The following SCAPER variants were observed in gnomAD, a reference collection of about 807,000 sequenced individuals.
SCAPER encodes S-phase cyclin A associated protein in the ER.
Under a neutral mutation model 182.2 loss-of-function variants are expected in SCAPER, and 98 were observed. The observed-to-expected ratio is 0.54, with a 90% CI of 0.46 to 0.64. The LOEUF is 0.64. Among genes scored for constraint, SCAPER ranks in the 30% least tolerant of loss-of-function variants. SCAPER has a pLI of 0.00. For missense variants in SCAPER, 1,432 were observed against 1,690.0 expected (o/e 0.85, Z 2.68); for synonymous variants, 605 against 564.6 (o/e 1.07, Z -1.01).
At chr15:76,433,281 G>C (rs559010082) in intron 26 of SCAPER, among the ~76,000 whole-genome samples, 1 of 152,186 alleles carries the variant, frequency 6.6e-6, no homozygotes, top group Non-Finnish European at 1.5e-5. Flanking sequence ...ATGGAGGCGG[G>C]TGGGTCATTT....
Position 76,614,929 on chromosome 15 carries a change from A to G in SCAPER, c.2711+6835T>C, listed in dbSNP as rs75135477. Among the ~76,000 whole-genome samples, 1,240 of 152,316 alleles carry G rather than the reference A, an allele frequency of 8.1e-3. 13 individuals are homozygous for G. Among genetic ancestry groups the G allele is most frequent in the African/African-American group, 0.028 (1,177 of 41,570 alleles). On this transcript the variant is annotated intron_variant, in intron 22 of 31. Coordinates refer to ENST00000563290, the MANE Select transcript of SCAPER (RefSeq NM_020843.4). Reference sequence around the variant, plus strand: ...ATTCAGAAATGAAAGTGGGCACATTACTACTGATCTTACTACTTATGAATA... The same window carrying G: ...ATTCAGAAATGAAAGTGGGCACATTGCTACTGATCTTACTACTTATGAATA...
At chr15:76,706,540 G>A (rs2059270898) in intron 17 of SCAPER, among the ~76,000 whole-genome samples, 2 of 152,132 alleles carry the variant, frequency 1.3e-5, no homozygotes, top group African/African-American at 4.8e-5. Context: ...AAAATCAGCA[G>A]ACTGGGAAGG....
chr15:76,560,325 T>G (rs1007289246), intron 23 of SCAPER, among the ~76,000 whole-genome samples: 1 of 152,226 alleles, frequency 6.6e-6, no homozygotes, highest in Admixed American at 6.5e-5. Context: ...ACACAGCTAC[T>G]ACATGATCTA....
chr15:76,579,458 A>G, intron 22 of SCAPER, among the ~76,000 whole-genome samples: 1 of 151,722 alleles, frequency 6.6e-6, no homozygotes, highest in Admixed American at 6.6e-5. Context: ...AGTTGTCATC[A>G]GTTTAAAATA....
At chr15:76,582,881 A>G (rs1341027702) in intron 22 of SCAPER, among the ~76,000 whole-genome samples, 1 of 152,236 alleles carries the variant, frequency 6.6e-6, no homozygotes, top group African/African-American at 2.4e-5. Context: ...TCTTCAATAA[A>G]TGGTGCCGAG....
intron 4 of SCAPER, among the ~76,000 whole-genome samples, chr15:76,846,761 A>G (rs1269897237): frequency 6.6e-6 from 1 of 152,214 alleles, no homozygotes; most frequent in Non-Finnish European, 1.5e-5. Context: ...GTGGGAATGT[A>G]AATTAGTATA....
At chr15:76,499,920 G>T (rs2040942503) in intron 24 of SCAPER, among the ~76,000 whole-genome samples, 1 of 152,024 alleles carries the variant, frequency 6.6e-6, no homozygotes, top group African/African-American at 2.4e-5. Flanking sequence ...AAAGACTTAG[G>T]GATTTAAAGC....
intron 8 of SCAPER, among the ~76,000 whole-genome samples, chr15:76,778,584 A>G (rs550969127): frequency 1.1e-3 from 163 of 152,146 alleles, no homozygotes; most frequent in African/African-American, 3.8e-3. Flanking sequence ...TCCAAATTAA[A>G]TCACACAGGC....
intron 17 of SCAPER, among the ~76,000 whole-genome samples, chr15:76,720,673 T>G (rs1471469624): frequency 6.6e-6 from 1 of 152,268 alleles, no homozygotes; most frequent in African/African-American, 2.4e-5. Flanking sequence ...ATTTCTCTGA[T>G]GGAGAGTGAT....
chr15:76,730,906 T>C (rs980134382), intron 16 of SCAPER, among the ~76,000 whole-genome samples: 2 of 152,110 alleles, frequency 1.3e-5, no homozygotes, highest in African/African-American at 2.4e-5. Context: ...AACTCCAACA[T>C]TGTATGAAAA....
chr15:76,838,664 C>G lies in SCAPER; in HGVS notation c.393+3070G>C, dbSNP rs115590410. On this transcript the variant is annotated intron_variant, in intron 5 of 31. Coordinates refer to ENST00000563290, the MANE Select transcript of SCAPER (RefSeq NM_020843.4). Reference sequence around the variant, plus strand: ...TGCCAGTCTCTATATCCAAAAGTGTCCCCAAGCCTCCAGAGACACACATCT... The same window carrying G: ...TGCCAGTCTCTATATCCAAAAGTGTGCCCAAGCCTCCAGAGACACACATCT... Among the ~76,000 whole-genome samples, 256 of 152,272 alleles carry G rather than the reference C, an allele frequency of 1.7e-3. 1 individual carries two copies. Among genetic ancestry groups the G allele is most frequent in the African/African-American group, 5.8e-3 (242 of 41,558 alleles).
At chr15:76,659,599 A>G (rs2055957398) in intron 21 of SCAPER, among the ~76,000 whole-genome samples, 1 of 152,234 alleles carries the variant, frequency 6.6e-6, no homozygotes, top group South Asian at 2.1e-4. Context: ...GAAGACAAAC[A>G]CATGGTCAAC....
chr15:76,461,809 A>G (rs1166242199), intron 25 of SCAPER, among the ~76,000 whole-genome samples: 1 of 152,178 alleles, frequency 6.6e-6, no homozygotes, highest in Non-Finnish European at 1.5e-5. Flanking sequence ...TGTGAATGCT[A>G]TGTCATGAAG....
At chr15:76,890,786 G>A (rs62029248) in intron 1 of SCAPER, among the ~76,000 whole-genome samples, 9,741 of 152,244 alleles carry the variant, frequency 0.064, 341 homozygotes, top group Middle Eastern at 0.11. Flanking sequence ...CCGATCAATA[G>A]AAGAAGAGGG....
intron 15 of SCAPER, among the ~76,000 whole-genome samples, chr15:76,752,384 A>T (rs1481214361): frequency 2.0e-5 from 3 of 151,810 alleles, no homozygotes; most frequent in Non-Finnish European, 4.4e-5. Context: ...TTCTGGGTAT[A>T]TACCCAAAAG....
At chr15:76,570,309 T>G (rs1165983683) in intron 23 of SCAPER, among the ~76,000 whole-genome samples, 1 of 152,058 alleles carries the variant, frequency 6.6e-6, no homozygotes, top group Non-Finnish European at 1.5e-5. Flanking sequence ...TTGATTGTCC[T>G]AGATGCCAAC....
intron 23 of SCAPER, among the ~76,000 whole-genome samples, chr15:76,513,549 C>T (rs1206032795): frequency 6.6e-6 from 1 of 152,182 alleles, no homozygotes; most frequent in Non-Finnish European, 1.5e-5. Flanking sequence ...AATCCTCATA[C>T]AAATCTAGGT....
intron 21 of SCAPER, among the ~76,000 whole-genome samples, chr15:76,651,911 A>G (rs1282313250): frequency 6.6e-6 from 1 of 151,880 alleles, no homozygotes; most frequent in Non-Finnish European, 1.5e-5. Context: ...CAGCACATTA[A>G]AAAGTTAACA....
At chr15:76,847,795 C>A (rs1356723209) in intron 4 of SCAPER, among the ~76,000 whole-genome samples, 1 of 152,054 alleles carries the variant, frequency 6.6e-6, no homozygotes, top group Non-Finnish European at 1.5e-5. Flanking sequence ...GTGGCACACA[C>A]CTGTAGTCCC....
Sources: gnomAD v4.1 joint callset for allele counts (sites outside exome capture counted in the v4.1 genomes callset) on GRCh38, gnomAD v4.1.1 for gene constraint, MANE v1.5 for transcripts, NCBI Gene and HGNC (gene_info 2026-07-23, HGNC 2026-07-21) for gene names.